CHRD: variants seen among roughly 807,000 people sequenced by gnomAD.
CHRD encodes chordin.
A neutral mutation model predicts 113.7 loss-of-function variants in CHRD; 69 were observed. The ratio of observed to expected loss-of-function variants is 0.61; its 90% CI spans 0.50 to 0.74. CHRD has a LOEUF of 0.74. Among genes scored for constraint, CHRD ranks in the 30% least tolerant of loss-of-function variants. The probability of loss-of-function intolerance (pLI) is 0.00; values close to 1 mark genes in which losing one functional copy is unlikely to be tolerated. For missense variants in CHRD, 1,194 were observed against 1,295.8 expected (o/e 0.92, Z 1.21); for synonymous variants, 561 against 540.8 (o/e 1.04, Z -0.52).
At chr3:184,389,586 G>A in exon 23 of CHRD, 4 of 641,604 alleles carry the variant, frequency 6.2e-6, no homozygotes, top group Non-Finnish European at 1.1e-5. Context: ...AGCTCCACAA[G>A]GGGGAGAGGC....
Position 184,381,853 on chromosome 3 carries a change from G to C in CHRD, c.611+38G>C, listed in dbSNP as rs777943082. ...AAGGAGCAAGGAGGGGTCAGCTGCC[G>C]GGGCCCGGGAGGGAAACTGGGAGAG... On this transcript the variant is annotated intron_variant, in intron 5 of 22. Coordinates refer to ENST00000204604, the Ensembl canonical transcript of CHRD. This position sits in a 1 kb window ranked among gnomAD's most constrained non-coding sequence, Gnocchi z 4.7. 3.7e-6 allele frequency: 6 copies of C among 1,609,698 alleles called. No individual in the cohort carries two copies. The highest frequency in any genetic ancestry group is 5.1e-6 in the Non-Finnish European group (6 of 1,177,492).
Position 184,387,808 on chromosome 3 carries a change from A to C in CHRD, c.2452-123A>C. The C allele has an allele frequency of 1.1e-6, 1 of 872,422 alleles. No individual in the cohort carries two copies. The highest frequency in any genetic ancestry group is 1.8e-6 in the Non-Finnish European group (1 of 547,110). 54.0% of individuals were successfully genotyped at this position (872,422 alleles called of 1,614,324 possible). A position where few individuals can be genotyped will look rare whatever the true frequency, so the allele number is the denominator to read the frequency against. The stretch of plus-strand genomic sequence containing the variant: ...GAGCTGAGTTTAGGTCTATAAAGCC[A>C]GTCCGGGCCTCTGAGTAAAAGGCCA... On this transcript the variant is annotated intron_variant, in intron 19 of 22. Transcript: ENST00000204604. This position sits in a 1 kb window ranked among gnomAD's most constrained non-coding sequence, Gnocchi z 6.1.
intron 14 of CHRD, 30 bp downstream of exon 14, chr3:184,385,268 G>A: frequency 6.4e-7 from 1 of 1,558,076 alleles, no homozygotes; most frequent in Non-Finnish European, 8.8e-7. Flanking sequence ...CGGCAGCTTG[G>A]AACATTTCTG....
In CHRD at chr3:184,381,440, G is replaced by T; in HGVS notation, c.383-56G>T. ...TCCCGGGCCACTTGGATGGGGCGTC[G>T]GACTGGCCTTTCCCATGGCCAGCTG... On this transcript the variant is annotated intron_variant, in intron 3 of 22. Coordinates refer to ENST00000204604, the Ensembl canonical transcript of CHRD. The surrounding 1 kb of genome is among the most constrained non-coding windows in gnomAD (Gnocchi z 4.7). 1.9e-6 allele frequency: 3 copies of T among 1,596,738 alleles called. No individual in the cohort carries two copies. Among genetic ancestry groups the T allele is most frequent in the Non-Finnish European group, 1.7e-6 (2 of 1,171,846 alleles).
Position 184,384,915 on chromosome 3 carries a change from C to T in CHRD, c.1598-103C>T. Reference sequence around the variant, plus strand: ...CAGGCCCTGGACCTATGGACAGTGTCTTCCAGCTCGTGGAATGTGTGCTGG... The same window carrying T: ...CAGGCCCTGGACCTATGGACAGTGTTTTCCAGCTCGTGGAATGTGTGCTGG... On this transcript the variant is annotated intron_variant, in intron 13 of 22. Coordinates refer to ENST00000204604, the Ensembl canonical transcript of CHRD. The surrounding 1 kb of genome is among the most constrained non-coding windows in gnomAD (Gnocchi z 4.4). 1 of 1,327,208 alleles carries T rather than the reference C, an allele frequency of 7.5e-7. No individual in the cohort carries two copies. Among genetic ancestry groups the T allele is most frequent in the Non-Finnish European group, 1.1e-6 (1 of 943,982 alleles). 82.2% of individuals were successfully genotyped at this position (1,327,208 alleles called of 1,614,324 possible).
Position 184,380,668 on chromosome 3 carries a change from C to A in CHRD, c.149-24C>A. 6.5e-7 allele frequency: 1 copy of A among 1,545,424 alleles called. No individual in the cohort carries two copies. The highest frequency in any genetic ancestry group is 2.5e-5 in the East Asian group (1 of 39,438). On this transcript the variant is annotated intron_variant, in intron 1 of 22. Transcript: ENST00000204604. This position sits in a 1 kb window ranked among gnomAD's most constrained non-coding sequence, Gnocchi z 6.3. ...CACACGGCGCGAGCTGGGCAGCGGCCTCCAGCCAAGCCCGTCCCCGCAGGC... is the reference window on the plus strand; with the variant it reads ...CACACGGCGCGAGCTGGGCAGCGGCATCCAGCCAAGCCCGTCCCCGCAGGC...
In CHRD at chr3:184,381,972, T is replaced by C; in HGVS notation, c.651T>C (p.Asn217=). The change falls in exon 6 of 23, where the codon AAT becomes AAC. Residue 217 remains asparagine (N), a synonymous_variant. Transcript: ENST00000204604. This position sits in a 1 kb window ranked among gnomAD's most constrained non-coding sequence, Gnocchi z 4.7. ...CCAGGATCCGCTTCTCAGACTCCAA[T>C]GGCAGTGTCCTGTTTGAGCACCCTG... is the stretch of plus-strand genomic sequence containing the variant. 1 of 1,614,170 alleles carries C rather than the reference T, an allele frequency of 6.2e-7. No individual in the cohort carries two copies.
chr3:184,388,758 G>A lies in CHRD; in HGVS notation c.2709+17G>A, dbSNP rs747987398. 1.4e-5 allele frequency: 22 copies of A among 1,613,288 alleles called. No homozygotes were observed. Among genetic ancestry groups the A allele is most frequent in the Non-Finnish European group, 1.8e-5 (21 of 1,179,602 alleles). ...AGATGTGGGGTAAGTGGGGAGCAGA[G>A]GCTTGTGTGAGGTGGGTACTGGGAG... On this transcript the variant is annotated intron_variant, in intron 21 of 22. Coordinates refer to ENST00000204604, the Ensembl canonical transcript of CHRD. The surrounding 1 kb of genome is among the most constrained non-coding windows in gnomAD (Gnocchi z 6.1).
chr3:184,380,243 C>T lies in CHRD; in HGVS notation c.-76C>T. ...GCCCCCGGCCCGGCCCTCCGCCCTCCGCACTCCCGCCTCCCTCCCTCCGCC... is the reference window on the plus strand; with the variant it reads ...GCCCCCGGCCCGGCCCTCCGCCCTCTGCACTCCCGCCTCCCTCCCTCCGCC... On this transcript the variant is annotated 5_prime_UTR_variant, in exon 1 of 23. Transcript: ENST00000204604. The surrounding 1 kb of genome is among the most constrained non-coding windows in gnomAD (Gnocchi z 6.3). 1.7e-6 allele frequency: 1 copy of T among 572,540 alleles called. No homozygotes were observed. The highest frequency in any genetic ancestry group is 2.4e-6 in the Non-Finnish European group (1 of 424,378). 35.5% of individuals were successfully genotyped at this position (572,540 alleles called of 1,614,324 possible).
exon 16 of CHRD, chr3:184,386,680 C>T (rs774196972): frequency 1.6e-5 from 26 of 1,612,428 alleles, no homozygotes; most frequent in East Asian, 1.1e-4. Flanking sequence ...CATGCTTCTT[C>T]GAGGGGCAGC....
Position 184,387,929 on chromosome 3 carries a change from A to T in CHRD, c.2452-2A>T. On this transcript the variant is annotated splice_acceptor_variant, in intron 19 of 22. Coordinates refer to ENST00000204604, the Ensembl canonical transcript of CHRD. LOFTEE classifies it high-confidence loss of function. This position sits in a 1 kb window ranked among gnomAD's most constrained non-coding sequence, Gnocchi z 6.1. ...CACTCCTTGCTCAATGGATCCCTAC[A>T]GGGGGGCACTGGAGAGGTGCACTGT... 1 of 1,610,354 alleles carries T rather than the reference A, an allele frequency of 6.2e-7. No individual in the cohort carries two copies. The highest frequency in any genetic ancestry group is 8.5e-7 in the Non-Finnish European group (1 of 1,178,748).
At chr3:184,385,045 T>C in exon 14 of CHRD, 1 of 1,614,070 alleles carries the variant, frequency 6.2e-7, no homozygotes, top group East Asian at 2.2e-5. Context: ...GCAGGAGCCC[T>C]GGTGCTACCC....
Position 184,380,464 on chromosome 3 carries a change from C to T in CHRD, c.146C>T (p.Ala49Val). The change falls in exon 1 of 23, where the codon GCA becomes GTA. Residue 49 changes from alanine (A) to valine (V), a missense_variant and splice_region_variant. Coordinates refer to ENST00000204604, the Ensembl canonical transcript of CHRD. This position sits in a 1 kb window ranked among gnomAD's most constrained non-coding sequence, Gnocchi z 6.3. ...GAGCCGCTGCCCGTTCGGGGAGCGG[C>T]AGGTAGGTGGGCGCCCGGGGGAGGC... 8.3e-7 allele frequency: 1 copy of T among 1,199,404 alleles called. No homozygotes were observed. The highest frequency in any genetic ancestry group is 1.0e-6 in the Non-Finnish European group (1 of 963,856). The allele number at this position is 1,199,404 out of a possible 1,614,324, so 74.3% of individuals were successfully genotyped here.
Position 184,380,242 on chromosome 3 carries a change from C to A in CHRD, c.-77C>A. 1 of 528,190 alleles carries A rather than the reference C, an allele frequency of 1.9e-6. No homozygotes were observed. The allele number at this position is 528,190 out of a possible 1,614,324, so 32.7% of individuals were successfully genotyped here. On this transcript the variant is annotated 5_prime_UTR_variant, in exon 1 of 23. Coordinates refer to ENST00000204604, the Ensembl canonical transcript of CHRD. The surrounding 1 kb of genome is among the most constrained non-coding windows in gnomAD (Gnocchi z 6.3). The stretch of plus-strand genomic sequence containing the variant: ...CGCCCCCGGCCCGGCCCTCCGCCCT[C>A]CGCACTCCCGCCTCCCTCCCTCCGC...
At chr3:184,382,048 G>A (rs753858111) in intron 6 of CHRD, 28 bp downstream of exon 6, 1 of 1,611,860 alleles carries the variant, frequency 6.2e-7, no homozygotes, top group South Asian at 1.1e-5. Context: ...ATGAGCACTT[G>A]CCCAGTCTGG....
At chr3:184,390,569 A>T (rs1267442223), downstream of CHRD, 2 of 151,688 alleles carry the variant, frequency 1.3e-5, no homozygotes, top group African/African-American at 2.4e-5. Context: ...CATGTAGAGA[A>T]TAAGACAAGA....
chr3:184,380,357 C>T lies in CHRD; in HGVS notation c.39C>T (p.Leu13=). The change falls in exon 1 of 23, where the codon CTC becomes CTT. Residue 13 remains leucine (L), a synonymous_variant. Coordinates refer to ENST00000204604, the Ensembl canonical transcript of CHRD. The surrounding 1 kb of genome is among the most constrained non-coding windows in gnomAD (Gnocchi z 6.3). ...CGGCCCCGCCGGCCCCGCTGCTGCT[C>T]CTCGGGCTGCTGCTGCTCGGCTCCC... 3.0e-6 allele frequency: 4 copies of T among 1,354,828 alleles called. No individual in the cohort carries two copies. The highest frequency in any genetic ancestry group is 3.8e-6 in the Non-Finnish European group (4 of 1,043,132). The allele number at this position is 1,354,828 out of a possible 1,614,324, so 83.9% of individuals were successfully genotyped here.
At chr3:184,382,899 G>T in exon 9 of CHRD, 1 of 1,613,896 alleles carries the variant, frequency 6.2e-7, no homozygotes, top group South Asian at 1.1e-5. Context: ...TACACCAGGG[G>T]CAGCTACTGC....
At position 184,384,867 on chromosome 3, in the gene CHRD, A is replaced by C; in HGVS notation, c.1598-151A>C. Reference sequence around the variant, plus strand: ...GGACTCTTCCTGTTGCTGAGGTTCAAGGGTCTAAAACTTGCTGCTCTCCAG... The same window carrying C: ...GGACTCTTCCTGTTGCTGAGGTTCACGGGTCTAAAACTTGCTGCTCTCCAG... On this transcript the variant is annotated intron_variant, in intron 13 of 22. Transcript: ENST00000204604. The surrounding 1 kb of genome is among the most constrained non-coding windows in gnomAD (Gnocchi z 4.4). 8.3e-7 allele frequency: 1 copy of C among 1,203,628 alleles called. No individual in the cohort carries two copies. The highest frequency in any genetic ancestry group is 1.4e-5 in the South Asian group (1 of 69,800). The allele number at this position is 1,203,628 out of a possible 1,614,324, so 74.6% of individuals were successfully genotyped here.
Sources: gnomAD v4.1 joint callset for allele counts on GRCh38, gnomAD v4.1.1 for gene constraint, Gnocchi (gnomAD v3.1) non-coding constraint, MANE v1.5 for transcripts, NCBI Gene and HGNC (gene_info 2026-07-23, HGNC 2026-07-21) for gene names.